The following FBRSL1 variants were observed in gnomAD, a reference collection of about 807,000 sequenced individuals.
FBRSL1 encodes fibrosin-1-like protein.
FBRSL1 carries 51 observed loss-of-function variants against 89.6 expected under a neutral mutation model. The ratio of observed to expected loss-of-function variants is 0.57; its 90% CI spans 0.45 to 0.72. The LOEUF is 0.72. FBRSL1 is among the 30% of genes least tolerant of loss of function. The pLI, the probability that FBRSL1 is intolerant of heterozygous loss-of-function variation, is 0.00. For missense variants in FBRSL1, 1,618 were observed against 1,451.8 expected (o/e 1.11, Z -1.86); for synonymous variants, 779 against 681.1 (o/e 1.14, Z -2.24).
intron 2 of FBRSL1, among the ~76,000 whole-genome samples, chr12:132,519,899 CAAA>C (rs760671307): frequency 8.7e-6 from 1 of 114,638 alleles, no homozygotes; most frequent in Non-Finnish European, 1.8e-5. Context: ...GACTCTGTCT[CAAA>C]AAAAAAAAAA....
chr12:132,547,934 C>T (rs886580693), intron 4 of FBRSL1, 69 bp from the exon 5 acceptor site: 23 of 1,528,102 alleles, frequency 1.5e-5, no homozygotes, highest in Non-Finnish European at 1.9e-5. Context: ...AGCCTGGCTG[C>T]TGCCGTGCCC....
chr12:132,542,764 C>A (rs1046149533), intron 4 of FBRSL1, among the ~76,000 whole-genome samples: 1 of 152,284 alleles, frequency 6.6e-6, no homozygotes, highest in Non-Finnish European at 1.5e-5. Context: ...CTGGGAGCAG[C>A]AACCTCAGCG....
In FBRSL1 at chr12:132,528,486, A is replaced by G. The variant is rs2035984487; in HGVS notation, c.615+498A>G. Among the ~76,000 whole-genome samples, 5 of 152,086 alleles carry G rather than the reference A, an allele frequency of 3.3e-5. No individual in the cohort carries two copies. The South Asian group carries it at 1.0e-3, about 32-fold the overall frequency. On this transcript the variant is annotated intron_variant, in intron 4 of 18. Coordinates refer to ENST00000680143, the MANE Select transcript of FBRSL1 (RefSeq NM_001367871.1). Reference sequence around the variant, plus strand: ...AGAAAGGCCTGGGCCCAGGCTGGGCAACACCCAGGGAGCCAGCACCCCGTG... The same window carrying G: ...AGAAAGGCCTGGGCCCAGGCTGGGCGACACCCAGGGAGCCAGCACCCCGTG...
chr12:132,528,383 G>A (rs752528318), intron 4 of FBRSL1, among the ~76,000 whole-genome samples: 1 of 152,162 alleles, frequency 6.6e-6, no homozygotes, highest in Non-Finnish European at 1.5e-5. Context: ...TGGGGGCCTG[G>A]GACATTTGGT....
At chr12:132,510,401 C>A in intron 2 of FBRSL1, 1 of 1,231,986 alleles carries the variant, frequency 8.1e-7, no homozygotes, top group Non-Finnish European at 1.0e-6. Context: ...GATCCTGTGC[C>A]CCCGGGATGG....
chr12:132,559,876 G>T (rs1262955192), intron 5 of FBRSL1, among the ~76,000 whole-genome samples: 3 of 151,034 alleles, frequency 2.0e-5, no homozygotes. Flanking sequence ...GCCGGCGGCG[G>T]GCGCGGGTGG....
intron 4 of FBRSL1, among the ~76,000 whole-genome samples, chr12:132,533,179 C>T (rs1199366067): frequency 6.7e-6 from 1 of 150,298 alleles, no homozygotes; most frequent in South Asian, 2.1e-4. Context: ...CTCCTCCCGA[C>T]CCAGCCTCTC....
At chr12:132,540,528 C>T (rs1401582383) in intron 4 of FBRSL1, among the ~76,000 whole-genome samples, 1 of 151,880 alleles carries the variant, frequency 6.6e-6, no homozygotes, top group African/African-American at 2.4e-5. Context: ...CAGAGCCCAG[C>T]CCCACACTGT....
intron 3 of FBRSL1, among the ~76,000 whole-genome samples, 194 bp downstream of exon 3, chr12:132,526,017 C>T (rs1016050584): frequency 2.0e-5 from 3 of 152,258 alleles, no homozygotes; most frequent in Admixed American, 6.5e-5. Context: ...GGTTAGGGTC[C>T]GGTTTCCCAC....
chr12:132,572,812 C>T (rs371054704), intron 11 of FBRSL1, among the ~76,000 whole-genome samples, 190 bp downstream of exon 11: 3 of 152,322 alleles, frequency 2.0e-5, no homozygotes, highest in African/African-American at 7.2e-5. Context: ...GTGTGGCCAC[C>T]GTGGGAGGGA....
chr12:132,581,606 G>T (rs563796504), intron 16 of FBRSL1, 90 bp downstream of exon 16: 1 of 1,484,814 alleles, frequency 6.7e-7, no homozygotes, highest in African/African-American at 1.4e-5. Flanking sequence ...AGGTGGCCCC[G>T]AGCCCCAGGG....
At position 132,582,183 on chromosome 12, in the gene FBRSL1, G is replaced by A; in HGVS notation, c.2118G>A (p.Trp706Ter). Reference protein sequence around the residue: ...APPSFPAPPPWPKSVDAERVS... With the variant: ...APPSFPAPPP ...CCTCCTTCCCGGCTCCGCCCCCGTG[G>A]CCCAAGTCCGTGGACGCGGAGCGGG... is the stretch of plus-strand genomic sequence containing the variant. Residue 706 changes from tryptophan (W) to a stop codon, truncating the protein, a stop_gained, in exon 18 of 19, where the codon TGG becomes TGA. Transcript: ENST00000680143. LOFTEE classifies it high-confidence loss of function. 6.5e-7 allele frequency: 1 copy of A among 1,550,160 alleles called. No individual in the cohort carries two copies. The highest frequency in any genetic ancestry group is 8.7e-7 in the Non-Finnish European group (1 of 1,146,854).
At chr12:132,580,084 TTTTATTTTAA>T (rs1430678039) in intron 15 of FBRSL1, among the ~76,000 whole-genome samples, 1 of 150,008 alleles carries the variant, frequency 6.7e-6, no homozygotes, top group African/African-American at 2.5e-5. Flanking sequence ...TTCACCAGTA[TTTTATTTTAA>T]TTTATTTATT....
At chr12:132,494,619 C>T (rs999635384) in intron 1 of FBRSL1, among the ~76,000 whole-genome samples, 4 of 152,268 alleles carry the variant, frequency 2.6e-5, no homozygotes, top group African/African-American at 7.2e-5. Context: ...AGGCGGACAC[C>T]ACCATTCTGG....
intron 2 of FBRSL1, among the ~76,000 whole-genome samples, chr12:132,517,515 G>A (rs528658279): frequency 3.9e-5 from 6 of 152,372 alleles, no homozygotes; most frequent in African/African-American, 1.2e-4. Context: ...ACAAGTGACC[G>A]TGCTGCCCTC....
intron 15 of FBRSL1, among the ~76,000 whole-genome samples, chr12:132,577,422 T>A (rs1202737280): frequency 1.3e-5 from 2 of 152,162 alleles, no homozygotes; most frequent in Non-Finnish European, 2.9e-5. Context: ...AGGAAGCTGC[T>A]CCTGAGGCCA....
intron 2 of FBRSL1, among the ~76,000 whole-genome samples, chr12:132,520,560 C>A (rs887729156): frequency 6.6e-6 from 1 of 152,186 alleles, no homozygotes; most frequent in Non-Finnish European, 1.5e-5. Context: ...GCTGGTGTCA[C>A]GTGCTGTGGG....
chr12:132,562,785 A>C (rs7970285), intron 5 of FBRSL1, among the ~76,000 whole-genome samples: 3 of 151,750 alleles, frequency 2.0e-5, no homozygotes, highest in East Asian at 3.9e-4. Context: ...TCTTACAGGC[A>C]TGGACCTGCT....
intron 5 of FBRSL1, chr12:132,565,546 A>AGTGTGCTCACGTACACGTACCC (rs141859068): frequency 6.5e-5 from 8 of 122,974 alleles, no homozygotes; most frequent in African/African-American, 7.6e-5. Flanking sequence ...CACGTACCCG[A>AGTGTGCTCACGTACACGTACCC]GTGTGCCCAT....
Sources: allele counts gnomAD v4.1 joint callset (sites outside exome capture counted in the v4.1 genomes callset), GRCh38; gene constraint gnomAD v4.1.1; transcripts MANE v1.5; gene names NCBI Gene and HGNC (gene_info 2026-07-23, HGNC 2026-07-21).